Variants in FAM168B observed in about 807,000 individuals in gnomAD.
FAM168B encodes the protein family with sequence similarity 168 member B.
FAM168B carries 19 observed loss-of-function variants against 21.8 expected under a neutral mutation model. That is an observed-to-expected ratio of 0.87 (90% CI 0.61 to 1.28). The LOEUF is 1.28. Among genes scored for constraint, FAM168B ranks in the 50% most tolerant of loss-of-function variants. The pLI is 0.00. For synonymous variants in FAM168B, 126 were observed against 104.8 expected, an observed-to-expected ratio of 1.20 and a Z score of -1.24; for missense variants, 233 against 263.1, an observed-to-expected ratio of 0.89 and a Z score of 0.79.
chr2:131,061,018 ATT>A (rs1239405522), intron 3 of FAM168B, among the ~76,000 whole-genome samples: 9 of 143,212 alleles, frequency 6.3e-5, no homozygotes, highest in Admixed American at 6.9e-5. Context: ...AGCCTGGCTA[ATT>A]TTTTTTTTTT....
chr2:131,055,479 G>A, intron 4 of FAM168B, 30 bp from the exon 5 acceptor site: 2 of 1,603,634 alleles, frequency 1.2e-6, no homozygotes, highest in Non-Finnish European at 1.7e-6. Flanking sequence ...AACTGACACA[G>A]GGTCCCAGGG....
At chr2:131,069,273 T>A (rs1339814603) in intron 3 of FAM168B, among the ~76,000 whole-genome samples, 2 of 152,200 alleles carry the variant, frequency 1.3e-5, no homozygotes, top group African/African-American at 4.8e-5. Context: ...CCTCTGAAAA[T>A]CCTAGAAGAG....
rs547237351 is a variant in FAM168B, at chr2:131,056,288, G to A, written c.155-593C>T. 3.9e-5 allele frequency among the ~76,000 whole-genome samples: 6 copies of A among 152,246 alleles called. No individual in the cohort carries two copies. The East Asian group carries it at 1.2e-3, about 29-fold the overall frequency. On this transcript the variant is annotated intron_variant, in intron 3 of 6. Transcript: ENST00000389915. ...CTTTTGTCCCCACACAAAATGACAT[G>A]AAAATGACAATAAAGCAGATTAAGA...
At chr2:131,092,126 AGAGG>A (rs1339069644) in intron 1 of FAM168B, among the ~76,000 whole-genome samples, 1 of 151,596 alleles carries the variant, frequency 6.6e-6, no homozygotes, top group African/African-American at 2.4e-5. Context: ...TCTGGGAAAC[AGAGG>A]GAGACTCCGT....
At chr2:131,087,199 C>A (rs570545552) in intron 1 of FAM168B, among the ~76,000 whole-genome samples, 1 of 151,528 alleles carries the variant, frequency 6.6e-6, no homozygotes, top group East Asian at 2.0e-4. Context: ...CCAGGCACAG[C>A]GGCTCATGCC....
At chr2:131,070,194 T>C (rs761761604) in intron 3 of FAM168B, among the ~76,000 whole-genome samples, 9 of 152,078 alleles carry the variant, frequency 5.9e-5, no homozygotes, top group Non-Finnish European at 1.0e-4. Flanking sequence ...AAGACGTTGT[T>C]AAAAGAATGA....
Position 131,071,879 on chromosome 2 carries a change from C to G in FAM168B, c.130G>C (p.Gly44Arg). Residue 44 changes from glycine to arginine, a missense_variant, in exon 3 of 7, where the codon GGA becomes CGA. Physicochemically the swap from Gly to Arg is moderately radical, Grantham distance 125. Transcript: ENST00000389915. ...APAYSPNMYP[G>R]ANPTFQTGYT... ...CCTGTTTGGAAGGTAGGATTCGCTCCAGGATACATGTTAGGAGAATAGGCA... is the reference window on the plus strand; with the variant it reads ...CCTGTTTGGAAGGTAGGATTCGCTCGAGGATACATGTTAGGAGAATAGGCA... 1 of 1,614,058 alleles carries G rather than the reference C, an allele frequency of 6.2e-7. No homozygotes were observed. Among genetic ancestry groups the G allele is most frequent in the Non-Finnish European group, 8.5e-7 (1 of 1,179,980 alleles).
Position 131,049,516 on chromosome 2 carries a change from G to A in FAM168B, c.*2949C>T. On this transcript the variant is annotated 3_prime_UTR_variant, in exon 7 of 7. Transcript: ENST00000389915. ...GACTCTGGCCCTCACAGAGCGGCAAGTTCATGGGTCACTGGCTCACACTAA... is the reference window on the plus strand; with the variant it reads ...GACTCTGGCCCTCACAGAGCGGCAAATTCATGGGTCACTGGCTCACACTAA... 1.0e-6 allele frequency: 1 copy of A among 985,452 alleles called. No homozygotes were observed. Among genetic ancestry groups the A allele is most frequent in the Non-Finnish European group, 1.2e-6 (1 of 829,950 alleles). 61.0% of individuals were successfully genotyped at this position (985,452 alleles called of 1,614,324 possible).
At chr2:131,052,572 G>C (rs1319958557) in intron 6 of FAM168B, 120 bp from the exon 7 acceptor site, 11 of 832,538 alleles carry the variant, frequency 1.3e-5, no homozygotes, top group Non-Finnish European at 1.7e-5. Context: ...AAAACTGCTG[G>C]ACCTGGTTCT....
intron 1 of FAM168B, among the ~76,000 whole-genome samples, chr2:131,091,176 TA>T (rs1223349496): frequency 1.3e-5 from 2 of 151,934 alleles, no homozygotes; most frequent in Non-Finnish European, 2.9e-5. Flanking sequence ...CCATCTCTAC[TA>T]AAAACACAAA....
chr2:131,055,894 G>A (rs756348508), intron 3 of FAM168B, among the ~76,000 whole-genome samples, 199 bp from the exon 4 acceptor site: 16 of 152,212 alleles, frequency 1.1e-4, no homozygotes, highest in Non-Finnish European at 2.2e-4. Context: ...CGTGTGTGTG[G>A]TGGCAGGGTG....
intron 1 of FAM168B, among the ~76,000 whole-genome samples, chr2:131,088,609 C>A (rs1249514650): frequency 1.3e-5 from 2 of 151,998 alleles, no homozygotes; most frequent in Admixed American, 6.6e-5. Flanking sequence ...ATCCTGGTAA[C>A]AGTACTGTGA....
intron 3 of FAM168B, among the ~76,000 whole-genome samples, chr2:131,060,236 G>C (rs768828060): frequency 1.3e-5 from 2 of 152,156 alleles, no homozygotes; most frequent in Non-Finnish European, 2.9e-5. Flanking sequence ...ATATTGGCCA[G>C]GCTGGTGTCG....
intron 3 of FAM168B, among the ~76,000 whole-genome samples, chr2:131,057,402 C>T (rs1235145783): frequency 6.6e-6 from 1 of 152,128 alleles, no homozygotes; most frequent in African/African-American, 2.4e-5. Flanking sequence ...AAGCTGGAAA[C>T]AGAACAGCAC....
intron 3 of FAM168B, among the ~76,000 whole-genome samples, chr2:131,060,051 G>A (rs914684547): frequency 1.3e-5 from 2 of 151,412 alleles, no homozygotes; most frequent in African/African-American, 4.9e-5. Flanking sequence ...ATGGAGTCTC[G>A]CTGTCTCGCT....
intron 2 of FAM168B, among the ~76,000 whole-genome samples, chr2:131,078,405 AAAC>A (rs149720074): frequency 7.3e-4 from 111 of 152,322 alleles, no homozygotes; most frequent in African/African-American, 2.3e-3. Context: ...AAAAAAACAG[AAAC>A]TATAAAACAG....
Position 131,052,930 on chromosome 2 carries a change from A to C in FAM168B, c.561T>G (p.Thr187=). The C allele has an allele frequency of 6.4e-7, 1 of 1,562,950 alleles. No homozygotes were observed. Among genetic ancestry groups the C allele is most frequent in the South Asian group, 1.2e-5 (1 of 84,896 alleles). Residue 187 remains threonine, a synonymous_variant, in exon 6 of 7, where the codon ACT becomes ACG. Transcript: ENST00000389915. ...ACCACTGAGGGGGCACATAGCTGTAAGTGGGCGTTCCTGGGGCCCGGTACG... is the reference window on the plus strand; with the variant it reads ...ACCACTGAGGGGGCACATAGCTGTACGTGGGCGTTCCTGGGGCCCGGTACG... ...VPTYRAPGTP[T]YSYVPPQW
intron 2 of FAM168B, among the ~76,000 whole-genome samples, chr2:131,078,684 T>C (rs1489450219): frequency 1.3e-5 from 2 of 152,136 alleles, no homozygotes; most frequent in African/African-American, 4.8e-5. Context: ...AAACATGATT[T>C]CAAAGAGGCA....
Position 131,048,239 on chromosome 2 carries a change from T to TC in FAM168B, c.*4225dup. ...AATCCATGAGGCTCTCTAGGGCCTC[T>TC]CCGTGTGGCCAGCACAGCAACCCTG... On this transcript the variant is annotated 3_prime_UTR_variant, in exon 7 of 7. Coordinates refer to ENST00000389915, the MANE Select transcript of FAM168B (RefSeq NM_001009993.4). The TC allele has an allele frequency of 1.5e-6, 2 of 1,303,908 alleles. No individual in the cohort carries two copies. Among genetic ancestry groups the TC allele is most frequent in the Non-Finnish European group, 2.0e-6 (2 of 988,666 alleles). The allele number at this position is 1,303,908 out of a possible 1,614,324, so 80.8% of individuals were successfully genotyped here. A position where few individuals can be genotyped will look rare whatever the true frequency, so the allele number is the denominator to read the frequency against.
Sources: gnomAD v4.1 joint callset for allele counts (sites outside exome capture counted in the v4.1 genomes callset) on GRCh38, gnomAD v4.1.1 for gene constraint, MANE v1.5 for transcripts, NCBI Gene and HGNC (gene_info 2026-07-23, HGNC 2026-07-21) for gene names.